Variants in KCND3 observed in about 807,000 individuals in gnomAD.
The protein encoded by KCND3 is A-type voltage-gated potassium channel KCND3.
A neutral mutation model predicts 51.1 loss-of-function variants in KCND3; 9 were observed. The ratio of observed to expected loss-of-function variants is 0.18; its 90% CI spans 0.11 to 0.31. KCND3 has a LOEUF of 0.31. KCND3 is among the 10% of genes least tolerant of loss of function. The probability of loss-of-function intolerance (pLI) is 1.00; values close to 1 mark genes in which losing one functional copy is unlikely to be tolerated. For missense variants in KCND3, 526 were observed against 903.8 expected (o/e 0.58, Z 5.36); for synonymous variants, 349 against 368.0 (o/e 0.95, Z 0.59).
At chr1:111,935,946 G>A (rs2101873115) in intron 2 of KCND3, among the ~76,000 whole-genome samples, 1 of 152,284 alleles carries the variant, frequency 6.6e-6, no homozygotes, top group African/African-American at 2.4e-5. Flanking sequence ...AATGTGCTGA[G>A]GGAAAATAAA....
intron 2 of KCND3, among the ~76,000 whole-genome samples, chr1:111,944,299 G>A (rs866299013): frequency 3.9e-5 from 6 of 152,326 alleles, no homozygotes; most frequent in South Asian, 2.1e-4. Flanking sequence ...CAATGGCTGT[G>A]CTGCTGGCTT....
chr1:111,851,518 A>C (rs999071512), intron 2 of KCND3, among the ~76,000 whole-genome samples: 2 of 152,210 alleles, frequency 1.3e-5, no homozygotes, highest in Admixed American at 1.3e-4. Flanking sequence ...TACTCAATGA[A>C]AATCTCAACA....
chr1:111,915,119 A>T (rs1460747559), intron 2 of KCND3, among the ~76,000 whole-genome samples: 1 of 152,222 alleles, frequency 6.6e-6, no homozygotes, highest in African/African-American at 2.4e-5. Context: ...AAAAAAATAC[A>T]TATGGATAAT....
At chr1:111,934,080 C>T (rs192760005) in intron 2 of KCND3, among the ~76,000 whole-genome samples, 12 of 152,282 alleles carry the variant, frequency 7.9e-5, no homozygotes, top group Non-Finnish European at 1.6e-4. Context: ...TGCGGGGGCT[C>T]AGCAGGTCAG....
intron 2 of KCND3, among the ~76,000 whole-genome samples, chr1:111,968,255 A>T (rs1475838838): frequency 6.6e-6 from 1 of 152,138 alleles, no homozygotes; most frequent in Non-Finnish European, 1.5e-5. Flanking sequence ...AAAGGAGAGA[A>T]GGGGGATTTG....
intron 2 of KCND3, among the ~76,000 whole-genome samples, chr1:111,960,627 T>C (rs1277882387): frequency 6.6e-6 from 1 of 151,850 alleles, no homozygotes; most frequent in Non-Finnish European, 1.5e-5. Context: ...GGGCCAGAGG[T>C]GGGGTAGGGG....
At position 111,775,818 on chromosome 1, in the gene KCND3, G is replaced by GGCCCCCCCCC; in HGVS notation, c.*258_*259insGGGGGGGGGC. 1 of 99,728 alleles carries GGCCCCCCCCC rather than the reference G, an allele frequency of 1.0e-5. No homozygotes were observed. Among genetic ancestry groups the GGCCCCCCCCC allele is most frequent in the Non-Finnish European group, 1.9e-5 (1 of 51,432 alleles). The allele number at this position is 99,728 out of a possible 1,614,324, so 6.2% of individuals were successfully genotyped here. On this transcript the variant is annotated 3_prime_UTR_variant, in exon 8 of 8. Transcript: ENST00000302127. ...AGCCTATATCCCCCGGCCTATCCCCGACCCCCCCACCCTCCCTCCCTTCCT... is the reference window on the plus strand; with the variant it reads ...AGCCTATATCCCCCGGCCTATCCCCGGCCCCCCCCCACCCCCCCACCCTCCCTCCCTTCCT...
chr1:111,876,007 A>G (rs1436363785), intron 2 of KCND3, among the ~76,000 whole-genome samples: 1 of 152,212 alleles, frequency 6.6e-6, no homozygotes, highest in Non-Finnish European at 1.5e-5. Flanking sequence ...GTCAGAGTGT[A>G]GGTACCGGAG....
chr1:111,843,782 G>T (rs1667432573), intron 2 of KCND3, among the ~76,000 whole-genome samples: 1 of 152,168 alleles, frequency 6.6e-6, no homozygotes, highest in Admixed American at 6.5e-5. Flanking sequence ...TGCTCCTTTG[G>T]CGACATTTTG....
At chr1:111,934,182 G>A (rs756357028) in intron 2 of KCND3, among the ~76,000 whole-genome samples, 56 of 152,156 alleles carry the variant, frequency 3.7e-4, no homozygotes, top group Non-Finnish European at 1.3e-4. Context: ...AGTGGGAGGT[G>A]GGAGGCAGGG....
At chr1:111,986,905 A>T (rs1458474743) in intron 1 of KCND3, among the ~76,000 whole-genome samples, 1 of 152,168 alleles carries the variant, frequency 6.6e-6, no homozygotes, top group Non-Finnish European at 1.5e-5. Flanking sequence ...TCACCCACAG[A>T]ACCCCTGGCC....
intron 2 of KCND3, among the ~76,000 whole-genome samples, chr1:111,847,867 G>A (rs1349317675): frequency 6.6e-6 from 1 of 152,206 alleles, no homozygotes; most frequent in Non-Finnish European, 1.5e-5. Context: ...GGAAAAGTTC[G>A]ACAGGGAGAA....
chr1:111,869,880 G>T (rs1309953435), intron 2 of KCND3, among the ~76,000 whole-genome samples: 1 of 150,166 alleles, frequency 6.7e-6, no homozygotes, highest in Non-Finnish European at 1.5e-5. Context: ...CTCTGTGTGT[G>T]TGAAGCTGTT....
intron 2 of KCND3, among the ~76,000 whole-genome samples, chr1:111,849,652 G>C (rs925169468): frequency 3.3e-5 from 5 of 152,252 alleles, no homozygotes; most frequent in Non-Finnish European, 5.9e-5. Flanking sequence ...GGTCCTGGCT[G>C]AGAAGGGGCT....
chr1:111,802,000 A>C (rs188491831), intron 2 of KCND3, among the ~76,000 whole-genome samples: 1 of 152,340 alleles, frequency 6.6e-6, no homozygotes, highest in East Asian at 1.9e-4. Context: ...TTGCTCTCCC[A>C]CTACCCAGCT....
chr1:111,926,877 C>G lies in KCND3; in HGVS notation c.1106+54744G>C, dbSNP rs1234527752. Among the ~76,000 whole-genome samples, 6 of 152,272 alleles carry G rather than the reference C, an allele frequency of 3.9e-5. No homozygotes were observed. The South Asian group carries it at 1.2e-3, about 31-fold the overall frequency. Reference sequence around the variant, plus strand: ...GAAAGCTGACCTGCTTTAGGAAGTGCTCCCTTTGGAAGATGCCTGGTCTCT... The same window carrying G: ...GAAAGCTGACCTGCTTTAGGAAGTGGTCCCTTTGGAAGATGCCTGGTCTCT... On this transcript the variant is annotated intron_variant, in intron 2 of 7. Transcript: ENST00000302127.
At chr1:111,860,893 T>C (rs1668308688) in intron 2 of KCND3, among the ~76,000 whole-genome samples, 1 of 152,186 alleles carries the variant, frequency 6.6e-6, no homozygotes, top group Admixed American at 6.5e-5. Context: ...TGTCCCTGTC[T>C]TACTGGATTA....
intron 7 of KCND3, 34 bp downstream of exon 7, chr1:111,776,992 A>G: frequency 1.2e-6 from 2 of 1,612,288 alleles, no homozygotes; most frequent in Non-Finnish European, 1.7e-6. Flanking sequence ...GGATGATTCG[A>G]GCCTTTGCGG....
At chr1:111,844,613 A>G (rs1015155757) in intron 2 of KCND3, among the ~76,000 whole-genome samples, 1 of 152,142 alleles carries the variant, frequency 6.6e-6, no homozygotes, top group Non-Finnish European at 1.5e-5. Flanking sequence ...ACAAATGTTC[A>G]TCCCTTTCCT....
Sources: gnomAD v4.1 joint callset for allele counts (sites outside exome capture counted in the v4.1 genomes callset) on GRCh38, gnomAD v4.1.1 for gene constraint, MANE v1.5 for transcripts, NCBI Gene and HGNC (gene_info 2026-07-23, HGNC 2026-07-21) for gene names.